FAF1: variants seen among roughly 807,000 people sequenced by gnomAD.
FAF1 encodes the protein Fas associated factor 1.
FAF1 carries 25 observed loss-of-function variants against 92.5 expected under a neutral mutation model. The ratio of observed to expected loss-of-function variants is 0.27; its 90% CI spans 0.20 to 0.38. The LOEUF (loss-of-function observed/expected upper bound fraction) is 0.38, where lower values mean the gene tolerates loss of function less well. Ranked by LOEUF, FAF1 falls within the 10% of genes least tolerant of loss-of-function variation. FAF1 has a pLI of 1.00. For missense variants in FAF1, 636 were observed against 793.3 expected, an observed-to-expected ratio of 0.80 and a Z score of 2.38; for synonymous variants, 234 against 273.2, an observed-to-expected ratio of 0.86 and a Z score of 1.42.
intron 4 of FAF1, among the ~76,000 whole-genome samples, chr1:50,784,436 C>T (rs1661292651): frequency 6.6e-6 from 1 of 151,972 alleles, no homozygotes; most frequent in African/African-American, 2.4e-5. Flanking sequence ...GAAAACAGTC[C>T]CATTTACAAT....
At chr1:50,716,102 G>A (rs1234508255) in intron 6 of FAF1, among the ~76,000 whole-genome samples, 2 of 152,124 alleles carry the variant, frequency 1.3e-5, no homozygotes, top group South Asian at 2.1e-4. Context: ...GTGAACTTAA[G>A]GTTGAATTAT....
intron 15 of FAF1, among the ~76,000 whole-genome samples, chr1:50,493,170 T>C (rs1646860450): frequency 6.6e-6 from 1 of 151,908 alleles, no homozygotes; most frequent in African/African-American, 2.4e-5. Context: ...GTAGCTGGGA[T>C]TACACGCACC....
chr1:50,746,009 A>C (rs1659571023), intron 4 of FAF1, among the ~76,000 whole-genome samples: 4 of 152,014 alleles, frequency 2.6e-5, no homozygotes, highest in Admixed American at 2.6e-4. Flanking sequence ...AGGAGAGCTC[A>C]GATGGAAATA....
intron 2 of FAF1, among the ~76,000 whole-genome samples, chr1:50,810,482 T>C (rs940602518): frequency 2.0e-5 from 3 of 152,138 alleles, no homozygotes; most frequent in Non-Finnish European, 4.4e-5. Flanking sequence ...TCACACTGAA[T>C]GGGCAAAAGA....
chr1:50,926,483 T>A (rs1021431086), intron 1 of FAF1, among the ~76,000 whole-genome samples: 7 of 152,004 alleles, frequency 4.6e-5, no homozygotes, highest in Non-Finnish European at 7.4e-5. Context: ...TACAGCTAGA[T>A]AGGAGGAATG....
intron 12 of FAF1, among the ~76,000 whole-genome samples, chr1:50,569,497 C>A (rs1330787466): frequency 6.6e-6 from 1 of 152,086 alleles, no homozygotes; most frequent in African/African-American, 2.4e-5. Context: ...GTAATGTGAA[C>A]CTGGCACCAT....
intron 2 of FAF1, among the ~76,000 whole-genome samples, chr1:50,830,163 G>A (rs970579964): frequency 1.3e-5 from 2 of 152,104 alleles, no homozygotes; most frequent in Admixed American, 1.3e-4. Context: ...TGTTGCCCAA[G>A]GTGGAGTGCA....
chr1:50,578,311 T>G (rs1489369820), intron 12 of FAF1, among the ~76,000 whole-genome samples: 1 of 152,112 alleles, frequency 6.6e-6, no homozygotes, highest in Non-Finnish European at 1.5e-5. Context: ...TGAAGAAAAT[T>G]TAGTAAGAGT....
intron 2 of FAF1, among the ~76,000 whole-genome samples, chr1:50,850,533 G>C (rs1644339541): frequency 6.6e-6 from 1 of 152,124 alleles, no homozygotes; most frequent in African/African-American, 2.4e-5. Context: ...GTATGTGTTT[G>C]AGAGAAACTG....
intron 8 of FAF1, among the ~76,000 whole-genome samples, chr1:50,629,075 T>C (rs2124201571): frequency 6.6e-6 from 1 of 152,238 alleles, no homozygotes; most frequent in African/African-American, 2.4e-5. Flanking sequence ...ATATAATAAA[T>C]ATTTTTAAGT....
chr1:50,593,904 T>C (rs931632450), intron 9 of FAF1, among the ~76,000 whole-genome samples: 6 of 152,176 alleles, frequency 3.9e-5, no homozygotes, highest in African/African-American at 1.4e-4. Context: ...CCAAAATATA[T>C]AGGCAGTTTA....
At position 50,639,234 on chromosome 1, in the gene FAF1, C is replaced by A. The variant is rs149999649; in HGVS notation, c.744+16208G>T. ...TTGGGTTGCATCTGGGTTTTGTCTA[C>A]TATAAATAAAGCTCCAATAAAAATT... On this transcript the variant is annotated intron_variant, in intron 8 of 18. Coordinates refer to ENST00000396153, the MANE Select transcript of FAF1 (RefSeq NM_007051.3). Among the ~76,000 whole-genome samples, 15 of 152,296 alleles carry A rather than the reference C, an allele frequency of 9.8e-5. No individual in the cohort carries two copies. In the East Asian group the frequency reaches 1.9e-3, roughly 20 times the overall value.
At chr1:50,738,786 A>T in intron 6 of FAF1, 77 bp downstream of exon 6, 1 of 868,268 alleles carries the variant, frequency 1.2e-6, no homozygotes. Flanking sequence ...TTTAATTTTG[A>T]GGTTTATATA....
At chr1:50,451,287 C>T (rs1646290902) in intron 18 of FAF1, among the ~76,000 whole-genome samples, 1 of 152,268 alleles carries the variant, frequency 6.6e-6, no homozygotes, top group African/African-American at 2.4e-5. Context: ...CCTGTTTGTT[C>T]TTTGTTTTAT....
chr1:50,769,646 A>C (rs566263191), intron 4 of FAF1, among the ~76,000 whole-genome samples: 5 of 152,248 alleles, frequency 3.3e-5, no homozygotes, highest in Non-Finnish European at 7.3e-5. Context: ...TAATATATAC[A>C]AATCAATTAA....
rs1558000811 is a variant in FAF1, at chr1:50,574,896, C to CTGTTTTTTTTTTTTTTT, written c.1114-7666_1114-7665insAAAAAAAAAAAAAAACA. ...GTTTAAGCATATAGAGTTGTATTAA[C>CTGTTTTTTTTTTTTTTT]TCTTTTTTTTTTTTTTTTTTTTTTT... is the stretch of plus-strand genomic sequence containing the variant. On this transcript the variant is annotated intron_variant, in intron 12 of 18. Coordinates refer to ENST00000396153, the MANE Select transcript of FAF1 (RefSeq NM_007051.3). Among the ~76,000 whole-genome samples, 48 of 122,898 alleles carry CTGTTTTTTTTTTTTTTT rather than the reference C, an allele frequency of 3.9e-4. 4 individuals carry two copies. The highest frequency in any genetic ancestry group is 1.5e-3 in the African/African-American group (47 of 30,788). The allele number at this position is 122,898 out of a possible 152,430, so 80.6% of individuals were successfully genotyped here.
At chr1:50,787,126 A>G (rs534966282) in intron 4 of FAF1, among the ~76,000 whole-genome samples, 43 of 152,222 alleles carry the variant, frequency 2.8e-4, no homozygotes, top group Non-Finnish European at 5.1e-4. Flanking sequence ...TGTAAGTTCA[A>G]CATAGTTAAA....
At chr1:50,476,853 A>G (rs941835793) in intron 17 of FAF1, among the ~76,000 whole-genome samples, 11 of 152,164 alleles carry the variant, frequency 7.2e-5, no homozygotes, top group Admixed American at 6.5e-5. Context: ...TAAAGAAATA[A>G]TTTAGAAAAA....
intron 2 of FAF1, among the ~76,000 whole-genome samples, chr1:50,851,415 A>G (rs531043526): frequency 1.4e-3 from 214 of 152,342 alleles, no homozygotes; most frequent in African/African-American, 4.9e-3. Flanking sequence ...GTTAAGCAGC[A>G]TATGCTACTT....
Sources: gnomAD v4.1 joint callset for allele counts (sites outside exome capture counted in the v4.1 genomes callset) on GRCh38, gnomAD v4.1.1 for gene constraint, MANE v1.5 for transcripts, NCBI Gene and HGNC (gene_info 2026-07-23, HGNC 2026-07-21) for gene names.